The following FOXP2 variants were observed in gnomAD, a reference collection of about 807,000 sequenced individuals.
The protein encoded by FOXP2 is forkhead box P2, also known as forkhead box protein P2.
FOXP2 carries 12 observed loss-of-function variants against 115.8 expected under a neutral mutation model. That is an observed-to-expected ratio of 0.10 (90% CI 0.07 to 0.17). The LOEUF is 0.17. Among genes scored for constraint, FOXP2 ranks in the 10% least tolerant of loss-of-function variants. The probability of loss-of-function intolerance (pLI) is 1.00; values close to 1 mark genes in which losing one functional copy is unlikely to be tolerated. For synonymous variants in FOXP2, 328 were observed against 297.7 expected, an observed-to-expected ratio of 1.10 and a Z score of -1.05; for missense variants, 629 against 843.5, an observed-to-expected ratio of 0.75 and a Z score of 3.15.
rs190855919 is a variant in FOXP2, at chr7:114,167,592, G to A, written c.-102+4504G>A. Among the ~76,000 whole-genome samples the A allele has an allele frequency of 7.1e-4, 108 of 152,142 alleles. 1 individual carries two copies. Among genetic ancestry groups the A allele is most frequent in the Middle Eastern group, 3.4e-3 (1 of 294 alleles). ...TGAATCATGGGGGCAGGTCTTTCCC[G>A]TGCTGTTCTCGTGATGGTGGATACG... On this transcript the variant is annotated intron_variant, in intron 1 of 17. Transcript: ENST00000634411.
At chr7:114,159,979 A>G (rs769169298), upstream of FOXP2, among the ~76,000 whole-genome samples, 4 of 152,010 alleles carry the variant, frequency 2.6e-5, no homozygotes, top group Non-Finnish European at 5.9e-5. Flanking sequence ...TGAGTGGAGA[A>G]CTCCAGCAAG....
chr7:114,146,091 T>C (rs1043692855), intron 1 of FOXP2, among the ~76,000 whole-genome samples: 1 of 152,214 alleles, frequency 6.6e-6, no homozygotes, highest in African/African-American at 2.4e-5. Flanking sequence ...CCTTCAAGAC[T>C]TAGCCAGTTT....
chr7:114,226,091 T>G (rs1794740307), intron 1 of FOXP2, among the ~76,000 whole-genome samples: 1 of 152,152 alleles, frequency 6.6e-6, no homozygotes, highest in African/African-American at 2.4e-5. Flanking sequence ...TATGATATTA[T>G]TTGTCTAAAA....
chr7:114,578,391 C>T (rs1019159696), intron 3 of FOXP2, among the ~76,000 whole-genome samples: 1 of 151,834 alleles, frequency 6.6e-6, no homozygotes, highest in Non-Finnish European at 1.5e-5. Flanking sequence ...TGTATTAGAG[C>T]TAAAAGGGGC....
At chr7:114,412,254 A>G (rs369221785), upstream of FOXP2, among the ~76,000 whole-genome samples, 9 of 152,256 alleles carry the variant, frequency 5.9e-5, no homozygotes, top group East Asian at 1.2e-3. Context: ...CGTACCTGCC[A>G]TAGGGTTATA....
chr7:114,626,527 G>A (rs1804594439), intron 3 of FOXP2, among the ~76,000 whole-genome samples: 3 of 141,520 alleles, frequency 2.1e-5, no homozygotes, highest in Non-Finnish European at 4.8e-5. Context: ...TTTATAGAAG[G>A]CATATCTCTC....
intron 1 of FOXP2, among the ~76,000 whole-genome samples, chr7:114,214,469 G>A (rs1468437646): frequency 2.0e-5 from 3 of 152,178 alleles, no homozygotes; most frequent in African/African-American, 7.2e-5. Flanking sequence ...AAGTAACTGT[G>A]TAATATTTTA....
At chr7:114,487,420 G>A (rs1045286020) in intron 2 of FOXP2, among the ~76,000 whole-genome samples, 1 of 152,146 alleles carries the variant, frequency 6.6e-6, no homozygotes, top group Non-Finnish European at 1.5e-5. Context: ...CTGTGAAGGA[G>A]GGGCTGCTGT....
chr7:114,529,760 G>T (rs991439135), intron 2 of FOXP2, among the ~76,000 whole-genome samples: 1 of 151,770 alleles, frequency 6.6e-6, no homozygotes, highest in African/African-American at 2.4e-5. Flanking sequence ...AATAGGTTAT[G>T]CCAATTAGAT....
intron 16 of FOXP2, among the ~76,000 whole-genome samples, chr7:114,675,906 AT>A (rs1212574959): frequency 6.8e-6 from 1 of 147,634 alleles, no homozygotes; most frequent in Non-Finnish European, 1.5e-5. Flanking sequence ...TTATTTTATT[AT>A]TATTATTATT....
intron 1 of FOXP2, among the ~76,000 whole-genome samples, chr7:114,149,205 A>C (rs1792465725): frequency 6.6e-6 from 1 of 151,290 alleles, no homozygotes; most frequent in Non-Finnish European, 1.5e-5. Flanking sequence ...AAAGTGTTCA[A>C]TTTTTTTTTC....
Position 114,557,355 on chromosome 7 carries a change from C to T in FOXP2, c.258+22649C>T, listed in dbSNP as rs78533401. On this transcript the variant is annotated intron_variant, in intron 3 of 16. Coordinates refer to ENST00000350908, the MANE Select transcript of FOXP2 (RefSeq NM_014491.4). ...ATGTAGTTTTACATCTGTACTATGT[C>T]TCTTAATCCTAACCAGGCATTTTCC... Among the ~76,000 whole-genome samples the T allele has an allele frequency of 7.0e-4, 106 of 152,268 alleles. 1 individual carries two copies. The highest frequency in any genetic ancestry group is 2.2e-3 in the African/African-American group (91 of 41,546).
intron 1 of FOXP2, among the ~76,000 whole-genome samples, chr7:114,282,995 A>G (rs1796378340): frequency 1.3e-5 from 2 of 152,168 alleles, no homozygotes; most frequent in African/African-American, 2.4e-5. Context: ...TCAGAAGCCT[A>G]TGATTACTTT....
intron 2 of FOXP2, among the ~76,000 whole-genome samples, chr7:114,371,586 T>A (rs1324794774): frequency 6.6e-6 from 1 of 152,176 alleles, no homozygotes; most frequent in African/African-American, 2.4e-5. Context: ...ATATTTGTTA[T>A]TACCCACAAT....
intron 1 of FOXP2, among the ~76,000 whole-genome samples, chr7:114,421,068 AG>A (rs1040164223): frequency 2.6e-5 from 4 of 151,656 alleles, no homozygotes; most frequent in African/African-American, 9.7e-5. Context: ...ATACTTCTGA[AG>A]GGGGCTTCTG....
chr7:114,673,459 T>C (rs1232681001), intron 16 of FOXP2, among the ~76,000 whole-genome samples: 1 of 152,192 alleles, frequency 6.6e-6, no homozygotes, highest in Non-Finnish European at 1.5e-5. Flanking sequence ...AAGAATTACA[T>C]TGTGTTTTTT....
intron 2 of FOXP2, chr7:114,498,980 G>A: frequency 1.4e-6 from 1 of 716,530 alleles, no homozygotes; most frequent in Non-Finnish European, 2.6e-6. Flanking sequence ...TGTGAGTCCT[G>A]GACCAGCAGC....
chr7:114,501,954 G>A (rs192662632), intron 2 of FOXP2, among the ~76,000 whole-genome samples: 15 of 152,102 alleles, frequency 9.9e-5, no homozygotes, highest in Non-Finnish European at 2.9e-5. Context: ...AGCTTTGGTA[G>A]CCTTTTCTTA....
chr7:114,327,048 C>G (rs1441837328), intron 2 of FOXP2, among the ~76,000 whole-genome samples: 1 of 152,200 alleles, frequency 6.6e-6, no homozygotes, highest in Non-Finnish European at 1.5e-5. Flanking sequence ...TAGAAATTCA[C>G]TTCCTCTAGG....
Sources: gnomAD v4.1 joint callset for allele counts (sites outside exome capture counted in the v4.1 genomes callset) on GRCh38, gnomAD v4.1.1 for gene constraint, MANE v1.5 for transcripts, NCBI Gene and HGNC (gene_info 2026-07-23, HGNC 2026-07-21) for gene names.